Variants in SPOCK3 observed in about 807,000 individuals in gnomAD.
The protein encoded by SPOCK3 is SPARC (osteonectin), cwcv and kazal like domains proteoglycan 3.
In SPOCK3, 30 loss-of-function variants were observed where a neutral mutation model predicts 56.6. The observed-to-expected ratio is 0.53, with a 90% CI of 0.40 to 0.72. SPOCK3 has a LOEUF of 0.72. Ranked by LOEUF, SPOCK3 falls within the 30% of genes least tolerant of loss-of-function variation. The pLI, the probability that SPOCK3 is intolerant of heterozygous loss-of-function variation, is 0.00. For missense variants in SPOCK3, 527 were observed against 530.0 expected (o/e 0.99, Z 0.06); for synonymous variants, 196 against 183.3 (o/e 1.07, Z -0.56).
intron 4 of SPOCK3, among the ~76,000 whole-genome samples, chr4:166,969,478 T>A (rs190604945): frequency 2.2e-4 from 34 of 152,112 alleles, no homozygotes; most frequent in Non-Finnish European, 4.3e-4. Context: ...TTTCATGAGA[T>A]CTAGTTGTTT....
intron 4 of SPOCK3, among the ~76,000 whole-genome samples, chr4:166,983,626 T>C (rs1746826204): frequency 6.6e-6 from 1 of 152,084 alleles, no homozygotes; most frequent in African/African-American, 2.4e-5. Context: ...GAAGAGAGGA[T>C]TTTGAATGCT....
intron 2 of SPOCK3, among the ~76,000 whole-genome samples, chr4:167,109,903 G>T (rs146052469): frequency 2.0e-5 from 3 of 151,404 alleles, no homozygotes; most frequent in African/African-American, 4.9e-5. Flanking sequence ...ACCACCCCAC[G>T]CCCATGTCCT....
In SPOCK3 at chr4:167,094,453, GCTT is replaced by G. The variant is rs553919831; in HGVS notation, c.190-31919_190-31917del. Among the ~76,000 whole-genome samples, 26 of 151,986 alleles carry G rather than the reference GCTT, an allele frequency of 1.7e-4. No individual in the cohort carries two copies. In the East Asian group the frequency reaches 4.6e-3, roughly 27 times the overall value. On this transcript the variant is annotated intron_variant, in intron 2 of 10. Coordinates refer to ENST00000357545, the MANE Select transcript of SPOCK3 (RefSeq NM_001040159.2). ...AATGAAATTTATTCTGGGTATACAA[GCTT>G]GTTCAAAATTCATACATCAATCCAT...
chr4:166,752,737 A>G (rs1303017389), intron 8 of SPOCK3, among the ~76,000 whole-genome samples: 1 of 152,064 alleles, frequency 6.6e-6, no homozygotes, highest in Admixed American at 6.6e-5. Context: ...TTGAACTAAA[A>G]GAATACATAA....
rs189666494 is a variant in SPOCK3, at chr4:167,212,387, G to A, written c.189+21598C>T. On this transcript the variant is annotated intron_variant, in intron 2 of 10. Transcript: ENST00000357545. The stretch of plus-strand genomic sequence containing the variant: ...CTCCTGAGTACCTGGGATTACAGGC[G>A]CCCAGCACCATGCCTGGCTACTTTT... Among the ~76,000 whole-genome samples the A allele has an allele frequency of 2.0e-5, 3 of 151,804 alleles. No individual in the cohort carries two copies. The South Asian group carries it at 6.2e-4, about 32-fold the overall frequency.
intron 4 of SPOCK3, among the ~76,000 whole-genome samples, chr4:166,946,688 T>G (rs1741796889): frequency 1.3e-5 from 2 of 151,658 alleles, no homozygotes; most frequent in South Asian, 4.1e-4. Flanking sequence ...CTCTACATTT[T>G]GTATAGCACT....
At chr4:166,827,349 C>T (rs920968968) in intron 6 of SPOCK3, among the ~76,000 whole-genome samples, 4 of 152,082 alleles carry the variant, frequency 2.6e-5, no homozygotes, top group Non-Finnish European at 5.9e-5. Context: ...AAGAGATTTG[C>T]TGTTTACCTG....
intron 2 of SPOCK3, among the ~76,000 whole-genome samples, chr4:167,201,400 AG>A (rs1733503021): frequency 6.6e-6 from 1 of 151,964 alleles, no homozygotes; most frequent in African/African-American, 2.4e-5. Flanking sequence ...AAAATATATG[AG>A]AATTGGGAAG....
At chr4:166,974,913 G>A (rs1459365847) in intron 4 of SPOCK3, among the ~76,000 whole-genome samples, 3 of 152,178 alleles carry the variant, frequency 2.0e-5, no homozygotes, top group Non-Finnish European at 4.4e-5. Flanking sequence ...CTTTTCAGAA[G>A]TGATTAGGTC....
intron 2 of SPOCK3, among the ~76,000 whole-genome samples, chr4:167,071,227 A>G (rs1422978452): frequency 6.6e-6 from 1 of 151,934 alleles, no homozygotes; most frequent in Non-Finnish European, 1.5e-5. Context: ...GCCTCAATAA[A>G]TAAATTAAGA....
chr4:167,037,693 A>T (rs946928650), intron 3 of SPOCK3, among the ~76,000 whole-genome samples: 1 of 152,168 alleles, frequency 6.6e-6, no homozygotes, highest in African/African-American at 2.4e-5. Flanking sequence ...AATGGAAGAG[A>T]AACAAAGAAG....
intron 2 of SPOCK3, among the ~76,000 whole-genome samples, chr4:167,115,936 C>G (rs1761291150): frequency 6.6e-6 from 1 of 151,962 alleles, no homozygotes; most frequent in African/African-American, 2.4e-5. Flanking sequence ...AATTCATCAG[C>G]AGTGGGCTCA....
At chr4:167,018,630 T>G (rs962050172) in intron 3 of SPOCK3, among the ~76,000 whole-genome samples, 2 of 152,228 alleles carry the variant, frequency 1.3e-5, no homozygotes, top group African/African-American at 2.4e-5. Flanking sequence ...GATATCTGAC[T>G]GTGTCTTCTG....
At chr4:167,077,146 T>C (rs1051169058) in intron 2 of SPOCK3, among the ~76,000 whole-genome samples, 3 of 151,868 alleles carry the variant, frequency 2.0e-5, no homozygotes, top group African/African-American at 4.8e-5. Context: ...CTACATAATA[T>C]ATGCATCTAA....
intron 2 of SPOCK3, among the ~76,000 whole-genome samples, chr4:167,092,820 C>G (rs1424136098): frequency 6.6e-6 from 1 of 152,000 alleles, no homozygotes; most frequent in Non-Finnish European, 1.5e-5. Flanking sequence ...TAAACAAGCT[C>G]CCAAAATTAT....
At chr4:166,916,931 A>T (rs921114552) in intron 4 of SPOCK3, among the ~76,000 whole-genome samples, 1 of 152,194 alleles carries the variant, frequency 6.6e-6, no homozygotes, top group African/African-American at 2.4e-5. Context: ...TTTAGTGTTA[A>T]CAAGTGAAGC....
intron 6 of SPOCK3, among the ~76,000 whole-genome samples, chr4:166,877,924 G>A (rs1186501783): frequency 6.6e-6 from 1 of 152,050 alleles, no homozygotes; most frequent in African/African-American, 2.4e-5. Flanking sequence ...ATCATCTATT[G>A]CTACCATAGC....
At chr4:166,908,313 C>G (rs1736859011) in intron 5 of SPOCK3, among the ~76,000 whole-genome samples, 1 of 125,998 alleles carries the variant, frequency 7.9e-6, no homozygotes, top group African/African-American at 3.1e-5. Flanking sequence ...CACACACACC[C>G]CTACCTTTTA....
intron 6 of SPOCK3, among the ~76,000 whole-genome samples, chr4:166,833,763 G>A (rs1373035438): frequency 6.6e-6 from 1 of 152,044 alleles, no homozygotes. Flanking sequence ...GGTGCACCTA[G>A]AACCTGTGGT....
Sources: allele counts gnomAD v4.1 joint callset (sites outside exome capture counted in the v4.1 genomes callset), GRCh38; gene constraint gnomAD v4.1.1; transcripts MANE v1.5; gene names NCBI Gene and HGNC (gene_info 2026-07-23, HGNC 2026-07-21).